The following ITGA8 variants were observed in gnomAD, a reference collection of about 807,000 sequenced individuals.
The protein encoded by ITGA8 is integrin alpha-8.
In ITGA8, 91 loss-of-function variants were observed where a neutral mutation model predicts 142.3. The observed-to-expected ratio is 0.64, with a 90% CI of 0.54 to 0.76. The LOEUF is 0.76. Ranked by LOEUF, ITGA8 falls within the 30% of genes least tolerant of loss-of-function variation. ITGA8 has a pLI of 0.00. For synonymous variants in ITGA8, 505 were observed against 485.2 expected, an observed-to-expected ratio of 1.04 and a Z score of -0.54; for missense variants, 1,406 against 1,327.7, an observed-to-expected ratio of 1.06 and a Z score of -0.92.
intron 12 of ITGA8, among the ~76,000 whole-genome samples, chr10:15,645,279 T>C (rs1387581403): frequency 6.6e-6 from 1 of 152,126 alleles, no homozygotes; most frequent in African/African-American, 2.4e-5. Flanking sequence ...ACCTACTTTG[T>C]ATACTCAAGG....
At chr10:15,606,213 C>T in intron 18 of ITGA8, 72 bp downstream of exon 18, 1 of 1,344,062 alleles carries the variant, frequency 7.4e-7, no homozygotes. Flanking sequence ...TGGCTTTAGT[C>T]TTAAAGCCAT....
In ITGA8 at chr10:15,519,292, T is replaced by C. The variant is rs1178531054; in HGVS notation, c.3103A>G (p.Lys1035Glu). 3.1e-6 allele frequency: 5 copies of C among 1,613,336 alleles called. No homozygotes were observed. In the African/African-American group the frequency reaches 5.3e-5, roughly 17 times the overall value. The change falls in exon 29 of 30, where the codon AAG becomes GAG. Residue 1035 changes from lysine to glutamate, a missense_variant and splice_region_variant. Physicochemically the swap from Lys to Glu is moderately conservative, Grantham distance 56. Coordinates refer to ENST00000378076, the MANE Select transcript of ITGA8 (RefSeq NM_003638.3). ...VLAILTLALWKCGFFDRARPP... is the reference protein window; with the variant it reads ...VLAILTLALWECGFFDRARPP... ...GAAAACAAAGTAAATCAACTTACCTTCCATAAAGCTAAGGTTAAAATGGCG... is the reference window on the plus strand; with the variant it reads ...GAAAACAAAGTAAATCAACTTACCTCCCATAAAGCTAAGGTTAAAATGGCG...
At chr10:15,605,847 TTTTC>T (rs1833186160) in intron 18 of ITGA8, 56 bp from the exon 19 acceptor site, 1 of 1,521,492 alleles carries the variant, frequency 6.6e-7, no homozygotes, top group Admixed American at 1.7e-5. Context: ...TTCACATCCT[TTTTC>T]TTGAAAATTC....
chr10:15,565,692 C>T (rs145861465), intron 25 of ITGA8, among the ~76,000 whole-genome samples: 3 of 142,176 alleles, frequency 2.1e-5, no homozygotes, highest in East Asian at 2.1e-4. Context: ...CGGGTTCAAG[C>T]GATTCTCCTG....
intron 25 of ITGA8, among the ~76,000 whole-genome samples, 157 bp downstream of exon 25, chr10:15,572,054 G>A (rs2089349899): frequency 6.6e-6 from 1 of 152,140 alleles, no homozygotes; most frequent in South Asian, 2.1e-4. Flanking sequence ...TTTAAATTAG[G>A]CTTGGTGTTT....
chr10:15,548,409 AGCTCC>A, intron 27 of ITGA8, 41 bp downstream of exon 27: 1 of 1,302,752 alleles, frequency 7.7e-7, no homozygotes, highest in South Asian at 1.3e-5. Context: ...TTTGTGAAGC[AGCTCC>A]CAGTGAGCAG....
chr10:15,544,528 A>C (rs1262111254), intron 27 of ITGA8, among the ~76,000 whole-genome samples: 1 of 152,176 alleles, frequency 6.6e-6, no homozygotes, highest in Non-Finnish European at 1.5e-5. Flanking sequence ...CAAGAAATGA[A>C]TCTATTGATC....
intron 8 of ITGA8, among the ~76,000 whole-genome samples, chr10:15,666,314 CTGTT>C (rs1157850389): frequency 5.3e-5 from 8 of 151,882 alleles, no homozygotes; most frequent in African/African-American, 1.7e-4. Context: ...ATTTGGCTCT[CTGTT>C]TGTCTGTTAT....
chr10:15,637,605 A>C (rs1833795212), intron 13 of ITGA8, among the ~76,000 whole-genome samples: 1 of 149,280 alleles, frequency 6.7e-6, no homozygotes, highest in East Asian at 2.0e-4. Context: ...TAGACTTCCC[A>C]GGCTCAGATG....
intron 13 of ITGA8, among the ~76,000 whole-genome samples, chr10:15,620,739 A>T (rs2131623215): frequency 6.6e-6 from 1 of 152,338 alleles, no homozygotes; most frequent in East Asian, 1.9e-4. Flanking sequence ...TCTCTTTTCA[A>T]AATATGTGGT....
intron 20 of ITGA8, among the ~76,000 whole-genome samples, chr10:15,599,245 A>G (rs966409715): frequency 2.0e-5 from 3 of 151,952 alleles, no homozygotes; most frequent in African/African-American, 7.3e-5. Flanking sequence ...TCTCGTTAAT[A>G]AGAGGAACAA....
intron 2 of ITGA8, among the ~76,000 whole-genome samples, chr10:15,714,920 C>A (rs1588748034): frequency 6.6e-6 from 1 of 152,232 alleles, no homozygotes; most frequent in East Asian, 1.9e-4. Flanking sequence ...GTCAAATTTA[C>A]TTAGGATGTC....
intron 11 of ITGA8, among the ~76,000 whole-genome samples, chr10:15,647,816 C>G (rs1834015413): frequency 6.6e-6 from 1 of 152,148 alleles, no homozygotes; most frequent in Admixed American, 6.6e-5. Flanking sequence ...CCTTCCCTTT[C>G]CTTTTGTTAG....
intron 2 of ITGA8, among the ~76,000 whole-genome samples, chr10:15,701,487 CT>C (rs369041341): frequency 0.022 from 3,239 of 149,484 alleles, 124 homozygotes; most frequent in African/African-American, 0.074. Context: ...GCTTTTGGTT[CT>C]TTTTTTTTTC....
At chr10:15,619,476 T>C (rs902315111) in intron 13 of ITGA8, among the ~76,000 whole-genome samples, 7 of 152,198 alleles carry the variant, frequency 4.6e-5, no homozygotes, top group Admixed American at 4.6e-4. Flanking sequence ...AAGAGCTCCA[T>C]ATTCATGGCA....
At chr10:15,542,889 A>G (rs1201835090) in intron 27 of ITGA8, among the ~76,000 whole-genome samples, 3 of 152,212 alleles carry the variant, frequency 2.0e-5, no homozygotes, top group Non-Finnish European at 4.4e-5. Flanking sequence ...CTCAATAGTA[A>G]TCTGACTATT....
chr10:15,538,191 T>A (rs1833487675), intron 27 of ITGA8, among the ~76,000 whole-genome samples: 1 of 152,040 alleles, frequency 6.6e-6, no homozygotes, highest in Non-Finnish European at 1.5e-5. Flanking sequence ...ATGCAAGTGG[T>A]TCAGTCATCC....
chr10:15,689,336 G>A (rs546206816), intron 2 of ITGA8, among the ~76,000 whole-genome samples: 1 of 152,296 alleles, frequency 6.6e-6, no homozygotes, highest in East Asian at 1.9e-4. Flanking sequence ...AGAACAGCAA[G>A]GGAGTGGCAA....
chr10:15,687,355 G>T (rs572729648), intron 3 of ITGA8, among the ~76,000 whole-genome samples: 73 of 151,652 alleles, frequency 4.8e-4, no homozygotes, highest in African/African-American at 1.4e-3. Flanking sequence ...TTTTCTTCTC[G>T]GTAACTTAGA....
Sources: gnomAD v4.1 joint callset for allele counts (sites outside exome capture counted in the v4.1 genomes callset) on GRCh38, gnomAD v4.1.1 for gene constraint, MANE v1.5 for transcripts, NCBI Gene and HGNC (gene_info 2026-07-23, HGNC 2026-07-21) for gene names.